Variants in GABRB2 observed in about 807,000 individuals in gnomAD.
The protein encoded by GABRB2 is gamma-aminobutyric acid type A receptor subunit beta2.
Under a neutral mutation model 54.7 loss-of-function variants are expected in GABRB2, and 16 were observed. The observed-to-expected ratio is 0.29, with a 90% confidence interval of 0.20 to 0.44. The LOEUF (loss-of-function observed/expected upper bound fraction) is 0.44. Among genes scored for constraint, GABRB2 ranks in the 20% least tolerant of loss-of-function variants. The pLI is 1.00. For synonymous variants in GABRB2, 244 were observed against 233.8 expected, an observed-to-expected ratio of 1.04 and a Z score of -0.40; for missense variants, 355 against 644.0, an observed-to-expected ratio of 0.55 and a Z score of 4.86.
intron 3 of GABRB2, among the ~76,000 whole-genome samples, chr5:161,511,678 G>A (rs1191278537): frequency 6.6e-6 from 1 of 151,968 alleles, no homozygotes; most frequent in East Asian, 1.9e-4. Context: ...CAAAATTAAG[G>A]TGTCTGCAAG....
At chr5:161,382,123 A>G (rs1352146266) in intron 5 of GABRB2, among the ~76,000 whole-genome samples, 4 of 152,152 alleles carry the variant, frequency 2.6e-5, no homozygotes, top group Admixed American at 2.6e-4. Flanking sequence ...TACTTGGTCC[A>G]ATACATTGAA....
At chr5:161,425,746 A>G (rs962318648) in intron 4 of GABRB2, among the ~76,000 whole-genome samples, 3 of 152,142 alleles carry the variant, frequency 2.0e-5, no homozygotes, top group Non-Finnish European at 4.4e-5. Context: ...TATTAAATCT[A>G]TCAGAAGTTA....
At chr5:161,466,653 T>C (rs772542422) in intron 3 of GABRB2, among the ~76,000 whole-genome samples, 19 of 152,080 alleles carry the variant, frequency 1.2e-4, no homozygotes, top group Non-Finnish European at 2.2e-4. Context: ...CTTGAAGCTA[T>C]AGAACTGCAT....
chr5:161,411,888 C>CAA (rs998637787), intron 4 of GABRB2, among the ~76,000 whole-genome samples: 5 of 151,992 alleles, frequency 3.3e-5, no homozygotes, highest in African/African-American at 9.7e-5. Flanking sequence ...TGAAAGAACA[C>CAA]AAGTTTTAAA....
chr5:161,347,453 T>C (rs1194874913), intron 5 of GABRB2, among the ~76,000 whole-genome samples: 1 of 152,112 alleles, frequency 6.6e-6, no homozygotes, highest in East Asian at 1.9e-4. Context: ...ACTTTGCAGC[T>C]CCCCGCATGC....
At chr5:161,360,299 A>G (rs559193774) in intron 5 of GABRB2, among the ~76,000 whole-genome samples, 2 of 152,246 alleles carry the variant, frequency 1.3e-5, no homozygotes, top group Non-Finnish European at 2.9e-5. Context: ...AGAATATTTT[A>G]TCATATTAGA....
rs113427685 is a variant in GABRB2, at chr5:161,518,237, A to G, written c.237+26990T>C. ...ATACAAAATAAAAAGTATGAACAGT[A>G]AGAATTCCTTTGAGAATAGGGAAAA... On this transcript the variant is annotated intron_variant, in intron 3 of 9. Coordinates refer to ENST00000393959, the MANE Select transcript of GABRB2 (RefSeq NM_001371727.1). 6.8e-3 allele frequency among the ~76,000 whole-genome samples: 1,043 copies of G among 152,358 alleles called. 13 individuals are homozygous for G. Among genetic ancestry groups the G allele is most frequent in the African/African-American group, 0.023 (974 of 41,576 alleles).
rs929947551 is a variant in GABRB2, at chr5:161,494,547, G to A, written c.238-34703C>T. 5.6e-3 allele frequency among the ~76,000 whole-genome samples: 851 copies of A among 150,772 alleles called. 8 individuals are homozygous for A. Among genetic ancestry groups the A allele is most frequent in the African/African-American group, 0.019 (765 of 41,194 alleles). Reference sequence around the variant, plus strand: ...TTTACTGTTAGGTATGCGTGTGTGTGTGTGTGTGTGTGTGTGTGTGTGTGT... The same window carrying A: ...TTTACTGTTAGGTATGCGTGTGTGTATGTGTGTGTGTGTGTGTGTGTGTGT... On this transcript the variant is annotated intron_variant, in intron 3 of 9. Transcript: ENST00000393959.
chr5:161,459,245 G>A (rs1381583962), intron 4 of GABRB2: 2 of 235,504 alleles, frequency 8.5e-6, no homozygotes, highest in Non-Finnish European at 1.7e-5. Context: ...ATCCCGTTGA[G>A]GCAGCTCAGA....
chr5:161,441,125 G>C (rs1757454600), intron 4 of GABRB2, among the ~76,000 whole-genome samples: 1 of 152,068 alleles, frequency 6.6e-6, no homozygotes, highest in African/African-American at 2.4e-5. Context: ...ATCACATCAA[G>C]TTAAAAAGCA....
chr5:161,361,168 A>G (rs992306990), intron 5 of GABRB2, among the ~76,000 whole-genome samples: 1 of 152,106 alleles, frequency 6.6e-6, no homozygotes, highest in African/African-American at 2.4e-5. Flanking sequence ...AGAGACAATT[A>G]CAATTGTATG....
intron 3 of GABRB2, among the ~76,000 whole-genome samples, chr5:161,482,855 T>C (rs1157563669): frequency 6.6e-6 from 1 of 152,080 alleles, no homozygotes; most frequent in African/African-American, 2.4e-5. Context: ...TCTATTTGAT[T>C]TCAGAGTCAT....
At chr5:161,347,064 A>G (rs1364322183) in intron 5 of GABRB2, among the ~76,000 whole-genome samples, 2 of 152,064 alleles carry the variant, frequency 1.3e-5, no homozygotes, top group Admixed American at 6.6e-5. Flanking sequence ...TGGCACTGCT[A>G]TTTTGTCTAG....
At chr5:161,395,082 T>C (rs907131390) in intron 5 of GABRB2, among the ~76,000 whole-genome samples, 2 of 152,154 alleles carry the variant, frequency 1.3e-5, no homozygotes, top group Non-Finnish European at 2.9e-5. Context: ...TAACCCATCA[T>C]ATTAGCATAA....
chr5:161,307,023 C>G (rs1757708714), intron 9 of GABRB2, among the ~76,000 whole-genome samples: 1 of 152,148 alleles, frequency 6.6e-6, no homozygotes, highest in Admixed American at 6.5e-5. Flanking sequence ...CAAATTCTTA[C>G]TAGCGCATGG....
At chr5:161,370,435 T>C (rs1432358638) in intron 5 of GABRB2, among the ~76,000 whole-genome samples, 1 of 152,170 alleles carries the variant, frequency 6.6e-6, no homozygotes, top group Non-Finnish European at 1.5e-5. Flanking sequence ...GGATGGCCTA[T>C]GTGGGAAGAG....
At chr5:161,358,377 T>C (rs1754702476) in intron 5 of GABRB2, among the ~76,000 whole-genome samples, 4 of 152,130 alleles carry the variant, frequency 2.6e-5, no homozygotes, top group Admixed American at 2.0e-4. Flanking sequence ...GGAATAGTTT[T>C]ATGTTAAAAT....
At chr5:161,387,313 C>G (rs951934677) in intron 5 of GABRB2, among the ~76,000 whole-genome samples, 2 of 151,956 alleles carry the variant, frequency 1.3e-5, no homozygotes, top group East Asian at 3.9e-4. Flanking sequence ...AGGCTCTCAC[C>G]CAAGACAAGC....
intron 3 of GABRB2, among the ~76,000 whole-genome samples, chr5:161,492,390 C>T (rs925270770): frequency 6.6e-6 from 1 of 151,684 alleles, no homozygotes; most frequent in Non-Finnish European, 1.5e-5. Context: ...GATAAGTGAT[C>T]GTCTATGCCT....
Sources: gnomAD v4.1 joint callset for allele counts (sites outside exome capture counted in the v4.1 genomes callset) on GRCh38, gnomAD v4.1.1 for gene constraint, MANE v1.5 for transcripts, NCBI Gene and HGNC (gene_info 2026-07-23, HGNC 2026-07-21) for gene names.